The following WDR20 variants were observed in gnomAD, a reference collection of about 807,000 sequenced individuals.
WDR20 encodes the protein WD repeat-containing protein 20.
Under a neutral mutation model 38.7 loss-of-function variants are expected in WDR20, and 3 were observed. The observed-to-expected ratio is 0.08, with a 90% CI of 0.04 to 0.20. The LOEUF (loss-of-function observed/expected upper bound fraction) is 0.20. WDR20 is among the 10% of genes least tolerant of loss of function. The pLI, the probability that WDR20 is intolerant of heterozygous loss-of-function variation, is 1.00. For synonymous variants in WDR20, 298 were observed against 285.6 expected, an observed-to-expected ratio of 1.04 and a Z score of -0.44; for missense variants, 559 against 727.7, an observed-to-expected ratio of 0.77 and a Z score of 2.67.
At chr14:102,182,224 C>T (rs146270876) in intron 1 of WDR20, among the ~76,000 whole-genome samples, 1 of 152,058 alleles carries the variant, frequency 6.6e-6, no homozygotes, top group African/African-American at 2.4e-5. Flanking sequence ...TTGGATTTCC[C>T]AAAGAGGACT....
At chr14:102,172,490 A>C (rs1308983999) in intron 1 of WDR20, among the ~76,000 whole-genome samples, 3 of 150,156 alleles carry the variant, frequency 2.0e-5, no homozygotes, top group Non-Finnish European at 3.0e-5. Flanking sequence ...GCGGCCGGGC[A>C]GAGGCGCCCC....
intron 2 of WDR20, among the ~76,000 whole-genome samples, chr14:102,200,457 A>ATTT (rs746438768): frequency 3.0e-4 from 33 of 111,026 alleles, no homozygotes; most frequent in Admixed American, 5.1e-4. Flanking sequence ...TACTTTTTAA[A>ATTT]TTTTTTTTTT....
At chr14:102,163,827 A>G (rs922659418) in intron 1 of WDR20, among the ~76,000 whole-genome samples, 14 of 152,022 alleles carry the variant, frequency 9.2e-5, no homozygotes, top group Non-Finnish European at 1.5e-4. Context: ...GGTGTCCTGG[A>G]GAAAATGCTT....
intron 2 of WDR20, among the ~76,000 whole-genome samples, chr14:102,204,918 G>T (rs1258128510): frequency 6.6e-6 from 1 of 152,116 alleles, no homozygotes; most frequent in Non-Finnish European, 1.5e-5. Context: ...AAAGAATGAG[G>T]ATGCTGTCTT....
chr14:102,210,085 C>G lies in WDR20; in HGVS notation c.*205C>G. The G allele has an allele frequency of 7.4e-7, 1 of 1,346,066 alleles. No individual in the cohort carries two copies. The highest frequency in any genetic ancestry group is 9.5e-7 in the Non-Finnish European group (1 of 1,053,862). The allele number at this position is 1,346,066 out of a possible 1,614,324, so 83.4% of individuals were successfully genotyped here. ...GAGCATTTAAAAAAATATAATCAAA[C>G]TAATTGCCAGCCAAGTCAGTCATCC... On this transcript the variant is annotated 3_prime_UTR_variant, in exon 3 of 3. Transcript: ENST00000342702.
At chr14:102,173,457 TA>T in intron 1 of WDR20, among the ~76,000 whole-genome samples, 1 of 144,972 alleles carries the variant, frequency 6.9e-6, no homozygotes, top group African/African-American at 2.6e-5. Context: ...TTATTATTAT[TA>T]TTATTATTAT....
At chr14:102,214,672 T>G (rs2062992374), downstream of WDR20, 1 of 984,060 alleles carries the variant, frequency 1.0e-6, no homozygotes, top group Non-Finnish European at 1.2e-6. Context: ...ATATTTTGAG[T>G]GAAAATCAAA....
At chr14:102,194,917 A>G (rs2059166936) in intron 1 of WDR20, 21 bp from the exon 2 acceptor site, 2 of 1,611,838 alleles carry the variant, frequency 1.2e-6, no homozygotes, top group Non-Finnish European at 1.7e-6. Context: ...TACTGTATGT[A>G]TTTTTCTCTT....
chr14:102,195,959 C>G (rs949633983), intron 2 of WDR20: 7 of 152,172 alleles, frequency 4.6e-5, no homozygotes, highest in Non-Finnish European at 7.3e-5. Flanking sequence ...GGACCTTGCC[C>G]CTGAGGCGCA....
rs1457067614 is a variant in WDR20, at chr14:102,222,116, G to T, written c.1693-714G>T. 6.7e-6 allele frequency among the ~76,000 whole-genome samples: 1 copy of T among 149,374 alleles called. No homozygotes were observed. The highest frequency in any genetic ancestry group is 2.5e-5 in the African/African-American group (1 of 40,240). On this transcript the variant is annotated intron_variant, in intron 3 of 3. Coordinates refer to the WDR20 transcript ENST00000335263. This position sits in a 1 kb window ranked among gnomAD's most constrained non-coding sequence, Gnocchi z 4.4. Reference sequence around the variant, plus strand: ...CCCGCCCCCGACAGTGAGCCTCTCAGCAGGAGCCGCCCTAAAGAGCCAGAT... The same window carrying T: ...CCCGCCCCCGACAGTGAGCCTCTCATCAGGAGCCGCCCTAAAGAGCCAGAT...
intron 1 of WDR20, among the ~76,000 whole-genome samples, chr14:102,173,440 ATT>A (rs2061399756): frequency 5.5e-4 from 2 of 3,652 alleles, no homozygotes; most frequent in Non-Finnish European, 4.5e-3. Flanking sequence ...TAAAATTATT[ATT>A]ATTATTATTA....
intron 1 of WDR20, among the ~76,000 whole-genome samples, chr14:102,161,885 A>G (rs1022469131): frequency 2.0e-5 from 3 of 152,202 alleles, no homozygotes; most frequent in Non-Finnish European, 4.4e-5. Flanking sequence ...AGCTTATTTT[A>G]TAGAAGCCTT....
At chr14:102,206,854 A>G (rs138956479) in intron 2 of WDR20, among the ~76,000 whole-genome samples, 1 of 152,262 alleles carries the variant, frequency 6.6e-6, no homozygotes, top group African/African-American at 2.4e-5. Flanking sequence ...ACCGTTCACC[A>G]TCCCATCATC....
intron 1 of WDR20, among the ~76,000 whole-genome samples, chr14:102,161,994 C>G (rs1242208876): frequency 6.6e-6 from 1 of 152,190 alleles, no homozygotes; most frequent in African/African-American, 2.4e-5. Context: ...TCTTTACTAA[C>G]CCATACCTTT....
chr14:102,189,217 A>G (rs2065724545), intron 1 of WDR20, among the ~76,000 whole-genome samples: 2 of 152,188 alleles, frequency 1.3e-5, no homozygotes, highest in African/African-American at 2.4e-5. Context: ...CTCAATAATA[A>G]TAATAGTAAT....
chr14:102,141,004 CT>C (rs537388247), intron 1 of WDR20, among the ~76,000 whole-genome samples: 84 of 152,288 alleles, frequency 5.5e-4, no homozygotes, highest in Admixed American at 2.7e-3. Context: ...GACCATCCTT[CT>C]TGGCGGGCGA....
At chr14:102,152,915 T>C (rs570506309) in intron 1 of WDR20, among the ~76,000 whole-genome samples, 8 of 152,178 alleles carry the variant, frequency 5.3e-5, no homozygotes, top group Admixed American at 2.0e-4. Flanking sequence ...TAGGGACTTA[T>C]ATTGTCAGTA....
At chr14:102,144,704 G>T (rs1368991601) in intron 1 of WDR20, among the ~76,000 whole-genome samples, 5 of 143,526 alleles carry the variant, frequency 3.5e-5, no homozygotes, top group South Asian at 2.3e-4. Context: ...TTTTTGTTTT[G>T]TTTTTTTTTT....
rs532036038 is a variant in WDR20, at chr14:102,177,055, T to A, written c.250-17883T>A. ...GCAGTTACCATTTCTACCATGTGGC[T>A]AACTTGCCCGAGATTTGTAATGGTT... is the stretch of plus-strand genomic sequence containing the variant. On this transcript the variant is annotated intron_variant, in intron 1 of 2. Coordinates refer to ENST00000342702, the MANE Select transcript of WDR20 (RefSeq NM_144574.4). Among the ~76,000 whole-genome samples, 372 of 152,316 alleles carry A rather than the reference T, an allele frequency of 2.4e-3. 1 individual carries two copies. The highest frequency in any genetic ancestry group is 4.4e-3 in the Non-Finnish European group (302 of 68,024).
Sources: allele counts gnomAD v4.1 joint callset (sites outside exome capture counted in the v4.1 genomes callset), GRCh38; gene constraint gnomAD v4.1.1; non-coding constraint Gnocchi (gnomAD v3.1); transcripts MANE v1.5; gene names NCBI Gene and HGNC (gene_info 2026-07-23, HGNC 2026-07-21).